Variants in SLC17A8 observed in about 807,000 individuals in gnomAD.
SLC17A8 encodes the protein solute carrier family 17 member 8, also known as vesicular glutamate transporter 3.
In SLC17A8, 31 loss-of-function variants were observed where a neutral mutation model predicts 58.0. The observed-to-expected ratio is 0.53, with a 90% confidence interval of 0.40 to 0.72. The LOEUF is 0.72. Among genes scored for constraint, SLC17A8 ranks in the 30% least tolerant of loss-of-function variants. The probability of loss-of-function intolerance (pLI) is 0.00; values close to 1 mark genes in which losing one functional copy is unlikely to be tolerated. For missense variants in SLC17A8, 655 were observed against 727.8 expected (o/e 0.90, Z 1.15); for synonymous variants, 228 against 249.0 (o/e 0.92, Z 0.79).
intron 9 of SLC17A8, among the ~76,000 whole-genome samples, chr12:100,411,355 C>T (rs1398504570): frequency 6.6e-6 from 1 of 152,118 alleles, no homozygotes; most frequent in Non-Finnish European, 1.5e-5. Context: ...TAGCACATGC[C>T]CATAATCCCA....
In SLC17A8 at chr12:100,401,829, G is replaced by C; in HGVS notation, c.729G>C (p.Gln243His). The C allele has an allele frequency of 6.2e-7, 1 of 1,613,948 alleles. No individual in the cohort carries two copies. Among genetic ancestry groups the C allele is most frequent in the East Asian group, 2.2e-5 (1 of 44,890 alleles). Reference protein sequence around the residue: ...VAMPLAGVLVQYIGWSSVFYI... With the variant: ...VAMPLAGVLVHYIGWSSVFYI... ...TGCCCCTGGCTGGGGTGTTGGTGCAGTACATTGGATGGTCCTCTGTCTTTT... is the reference window on the plus strand; with the variant it reads ...TGCCCCTGGCTGGGGTGTTGGTGCACTACATTGGATGGTCCTCTGTCTTTT... Residue 243 changes from glutamine (Q) to histidine (H), a missense_variant, in exon 6 of 12, where the codon CAG (glutamine) becomes CAC (histidine). Physicochemically the swap from Gln to His is conservative, Grantham distance 24. Coordinates refer to ENST00000323346, the MANE Select transcript of SLC17A8 (RefSeq NM_139319.3).
intron 5 of SLC17A8, among the ~76,000 whole-genome samples, chr12:100,397,842 C>A (rs1202797979): frequency 6.6e-6 from 1 of 151,722 alleles, no homozygotes; most frequent in Non-Finnish European, 1.5e-5. Flanking sequence ...ACTCAGGAGG[C>A]CAAGGTGGGA....
At chr12:100,375,068 T>C (rs1470029547) in intron 1 of SLC17A8, among the ~76,000 whole-genome samples, 1 of 151,374 alleles carries the variant, frequency 6.6e-6, no homozygotes, top group Non-Finnish European at 1.5e-5. Flanking sequence ...GATGACACTG[T>C]GCACACAGAG....
intron 1 of SLC17A8, among the ~76,000 whole-genome samples, chr12:100,374,504 C>T (rs1054667480): frequency 9.9e-5 from 15 of 152,098 alleles, no homozygotes; most frequent in African/African-American, 3.1e-4. Context: ...CCCAGCTACT[C>T]GGGAGGCTGA....
At chr12:100,397,623 G>A (rs567407753) in intron 5 of SLC17A8, among the ~76,000 whole-genome samples, 7 of 152,136 alleles carry the variant, frequency 4.6e-5, no homozygotes, top group East Asian at 1.9e-4. Context: ...TAAATGTGTC[G>A]GGGGAAGGGG....
chr12:100,395,231 G>A (rs1164605446), intron 4 of SLC17A8, among the ~76,000 whole-genome samples: 1 of 152,062 alleles, frequency 6.6e-6, no homozygotes, highest in Non-Finnish European at 1.5e-5. Flanking sequence ...TCTGTACTGT[G>A]AGTCAAAATA....
chr12:100,357,332 A>G lies in SLC17A8; in HGVS notation c.-60A>G. On this transcript the variant is annotated 5_prime_UTR_variant, in exon 1 of 12. Transcript: ENST00000323346. ...CAAGGTGGTTCTCACACTGGAAATG[A>G]GGAAGGATGACAGTTTTTGAGACTG... The G allele has an allele frequency of 1.1e-6, 1 of 948,608 alleles. No individual in the cohort carries two copies. The highest frequency in any genetic ancestry group is 1.3e-5 in the South Asian group (1 of 77,622). 58.8% of individuals were successfully genotyped at this position (948,608 alleles called of 1,614,324 possible). A position where few individuals can be genotyped will look rare whatever the true frequency, so the allele number is the denominator to read the frequency against.
At chr12:100,403,456 A>G (rs554064155) in intron 8 of SLC17A8, among the ~76,000 whole-genome samples, 41 of 151,982 alleles carry the variant, frequency 2.7e-4, no homozygotes, top group Non-Finnish European at 5.4e-4. Context: ...GCAACAGAGC[A>G]AGACTCTGTC....
chr12:100,378,693 G>C (rs1158740240), intron 1 of SLC17A8, among the ~76,000 whole-genome samples: 1 of 152,082 alleles, frequency 6.6e-6, no homozygotes, highest in African/African-American at 2.4e-5. Flanking sequence ...TCCAGGGAAA[G>C]GGGCTGGACT....
intron 5 of SLC17A8, 68 bp from the exon 6 acceptor site, chr12:100,401,709 A>C: frequency 7.9e-7 from 1 of 1,264,458 alleles, no homozygotes; most frequent in Non-Finnish European, 1.2e-6. Flanking sequence ...TTACCATATG[A>C]ATTCTAAATG....
At chr12:100,369,230 C>A (rs1265179235) in intron 1 of SLC17A8, among the ~76,000 whole-genome samples, 1 of 152,124 alleles carries the variant, frequency 6.6e-6, no homozygotes, top group African/African-American at 2.4e-5. Context: ...GAGCCGAAAT[C>A]CCACCACTGC....
intron 5 of SLC17A8, among the ~76,000 whole-genome samples, chr12:100,400,199 A>G (rs566722459): frequency 6.6e-6 from 1 of 152,194 alleles, no homozygotes; most frequent in Admixed American, 6.5e-5. Context: ...CCCACCTCCC[A>G]GGGTATTTGG....
chr12:100,380,413 AT>A (rs1452269671), intron 1 of SLC17A8, among the ~76,000 whole-genome samples: 1 of 151,918 alleles, frequency 6.6e-6, no homozygotes, highest in Admixed American at 6.6e-5. Flanking sequence ...TGTCTACCTC[AT>A]GGGGTTGTTA....
At chr12:100,379,939 C>T (rs1199549106) in intron 1 of SLC17A8, among the ~76,000 whole-genome samples, 1 of 152,084 alleles carries the variant, frequency 6.6e-6, no homozygotes, top group African/African-American at 2.4e-5. Context: ...GTGCCTCACA[C>T]CTATAATCCC....
intron 1 of SLC17A8, among the ~76,000 whole-genome samples, chr12:100,376,450 C>G (rs1331996390): frequency 6.6e-6 from 1 of 152,174 alleles, no homozygotes; most frequent in Non-Finnish European, 1.5e-5. Context: ...AGGAGCATGG[C>G]CTGGTGTGCT....
intron 1 of SLC17A8, among the ~76,000 whole-genome samples, chr12:100,367,301 A>G (rs920752165): frequency 6.6e-6 from 1 of 152,230 alleles, no homozygotes; most frequent in African/African-American, 2.4e-5. Context: ...TTATATTCCA[A>G]ATAATAGAGA....
intron 1 of SLC17A8, among the ~76,000 whole-genome samples, chr12:100,374,607 G>A (rs1305731857): frequency 1.3e-5 from 2 of 152,236 alleles, no homozygotes; most frequent in Non-Finnish European, 2.9e-5. Context: ...GCAAGACTCC[G>A]TCTCAAAAAA....
chr12:100,394,272 G>A (rs1172382770), intron 4 of SLC17A8, among the ~76,000 whole-genome samples: 1 of 151,548 alleles, frequency 6.6e-6, no homozygotes, highest in East Asian at 1.9e-4. Context: ...TGTACAACTT[G>A]TACTATTATT....
chr12:100,384,246 G>A (rs539446996), intron 2 of SLC17A8, among the ~76,000 whole-genome samples: 4 of 152,112 alleles, frequency 2.6e-5, no homozygotes, highest in Non-Finnish European at 5.9e-5. Flanking sequence ...TTGCCCTTGT[G>A]TCCTGGTCAG....
Sources: gnomAD v4.1 joint callset for allele counts (sites outside exome capture counted in the v4.1 genomes callset) on GRCh38, gnomAD v4.1.1 for gene constraint, MANE v1.5 for transcripts, NCBI Gene and HGNC (gene_info 2026-07-23, HGNC 2026-07-21) for gene names.